FAM185A: variants seen among roughly 807,000 people sequenced by gnomAD.
FAM185A encodes the protein protein FAM185A.
In FAM185A, 21 loss-of-function variants were observed where a neutral mutation model predicts 45.7. That is an observed-to-expected ratio of 0.46 (90% confidence interval 0.33 to 0.66). FAM185A has a LOEUF of 0.66. Ranked by LOEUF, FAM185A falls within the 30% of genes least tolerant of loss-of-function variation. The pLI, the probability that FAM185A is intolerant of heterozygous loss-of-function variation, is 0.03. For synonymous variants in FAM185A, 117 were observed against 194.0 expected (o/e 0.60, Z 3.30); for missense variants, 305 against 485.4 (o/e 0.63, Z 3.49).
chr7:102,834,906 G>A, the FAM185A span, among the ~76,000 whole-genome samples: 7 of 150,764 alleles, frequency 4.6e-5, no homozygotes, highest in Non-Finnish European at 8.8e-5. Context: ...GTGTGTGTGT[G>A]TGTGTGTGTG....
chr7:102,832,844 G>C, the FAM185A span: 1 of 1,614,028 alleles, frequency 6.2e-7, no homozygotes, highest in Non-Finnish European at 8.5e-7. Flanking sequence ...ACATACCTTT[G>C]GACAGCCAGC....
chr7:102,805,310 G>A (rs533687729), intron 7 of FAM185A, among the ~76,000 whole-genome samples: 15 of 152,208 alleles, frequency 9.9e-5, no homozygotes, highest in Admixed American at 2.6e-4. Context: ...AGTGGATAAA[G>A]AAACTGGAAT....
chr7:102,795,698 T>C (rs1796404200), intron 7 of FAM185A, among the ~76,000 whole-genome samples: 2 of 151,946 alleles, frequency 1.3e-5, no homozygotes, highest in African/African-American at 4.8e-5. Context: ...ATGCCTGTTC[T>C]TCCCACCAGA....
chr7:102,819,985 G>C, the FAM185A span, among the ~76,000 whole-genome samples: 1 of 152,084 alleles, frequency 6.6e-6, no homozygotes, highest in South Asian at 2.1e-4. Flanking sequence ...TTGAGGCCAG[G>C]GTATTTCAGG....
intron 7 of FAM185A, among the ~76,000 whole-genome samples, chr7:102,789,157 T>G (rs1168724519): frequency 1.3e-5 from 2 of 152,218 alleles, no homozygotes; most frequent in Non-Finnish European, 2.9e-5. Flanking sequence ...GATAGCTGCT[T>G]TCTCTGTTGC....
At chr7:102,765,205 T>G (rs1253504064) in intron 4 of FAM185A, among the ~76,000 whole-genome samples, 3 of 152,212 alleles carry the variant, frequency 2.0e-5, no homozygotes, top group African/African-American at 4.8e-5. Flanking sequence ...CCTGGCTCAC[T>G]GTAAAGATGT....
Position 102,773,663 on chromosome 7 carries a change from T to G in FAM185A, c.835+1213T>G, listed in dbSNP as rs146974384. ...CTTTTCCCAAAGTTCCACTTTATAC[T>G]CTCATCAACAATGTATGAGAATTTG... On this transcript the variant is annotated intron_variant, in intron 5 of 7. Transcript: ENST00000413034. 6.4e-3 allele frequency among the ~76,000 whole-genome samples: 980 copies of G among 152,272 alleles called. 7 individuals are homozygous for G. The highest frequency in any genetic ancestry group is 0.017 in the Middle Eastern group (5 of 294).
intron 4 of FAM185A, among the ~76,000 whole-genome samples, chr7:102,771,229 G>A (rs1341555764): frequency 6.6e-6 from 1 of 151,942 alleles, no homozygotes. Context: ...GAGGGACGGG[G>A]CAAGGGTTGA....
At chr7:102,845,426 A>G in the FAM185A span, among the ~76,000 whole-genome samples, 57 of 152,274 alleles carry the variant, frequency 3.7e-4, no homozygotes, top group African/African-American at 1.2e-3. Context: ...ACCAAGATAT[A>G]TATATTTCCT....
the FAM185A span, among the ~76,000 whole-genome samples, chr7:102,819,161 CT>C: frequency 6.6e-6 from 1 of 152,142 alleles, no homozygotes; most frequent in African/African-American, 2.4e-5. Context: ...TTGTGAGGGT[CT>C]TTCTTCCTCT....
intron 5 of FAM185A, among the ~76,000 whole-genome samples, chr7:102,774,477 TGA>T (rs1258857939): frequency 1.3e-5 from 2 of 151,760 alleles, no homozygotes; most frequent in Non-Finnish European, 1.5e-5. Flanking sequence ...AATGTAGTGA[TGA>T]GAGTGTGATT....
intron 5 of FAM185A, among the ~76,000 whole-genome samples, chr7:102,775,558 A>G (rs1378069121): frequency 1.3e-5 from 2 of 152,194 alleles, no homozygotes; most frequent in Non-Finnish European, 2.9e-5. Context: ...GGATATAATT[A>G]CTTTGTGGCC....
chr7:102,749,689 G>T lies in FAM185A; in HGVS notation c.451+31G>T. 2.0e-6 allele frequency: 3 copies of T among 1,486,314 alleles called. No individual in the cohort carries two copies. The East Asian group carries it at 7.4e-5, about 37-fold the overall frequency. 92.1% of individuals were successfully genotyped at this position (1,486,314 alleles called of 1,614,324 possible). A position where few individuals can be genotyped will look rare whatever the true frequency, so the allele number is the denominator to read the frequency against. On this transcript the variant is annotated intron_variant, in intron 1 of 7. Coordinates refer to ENST00000413034, the MANE Select transcript of FAM185A (RefSeq NM_001145268.2). ...TGAAGTGAAGTGAAAACGGGTTTGG[G>T]TCCCAGGGAACGCACAGTGAACTTA...
the FAM185A span, among the ~76,000 whole-genome samples, chr7:102,826,741 A>ATGTATG: frequency 1.6e-5 from 1 of 64,042 alleles, no homozygotes; most frequent in Non-Finnish European, 2.9e-5. Flanking sequence ...ATATATATAT[A>ATGTATG]TATATATATA....
At chr7:102,762,516 G>A (rs1335485653) in intron 4 of FAM185A, among the ~76,000 whole-genome samples, 1 of 151,932 alleles carries the variant, frequency 6.6e-6, no homozygotes, top group East Asian at 1.9e-4. Flanking sequence ...TCCATATATA[G>A]TCCACTCATT....
At chr7:102,801,653 A>T (rs1796797476) in intron 7 of FAM185A, among the ~76,000 whole-genome samples, 1 of 152,216 alleles carries the variant, frequency 6.6e-6, no homozygotes, top group Non-Finnish European at 1.5e-5. Context: ...GGCCAGGTGC[A>T]GTGGCTCATG....
chr7:102,757,903 G>A lies in FAM185A; in HGVS notation c.611G>A (p.Gly204Glu), dbSNP rs1793859439. ...QTKGGKVICL[G>E]TVYGNIDIHA... ...AAAGGAGGCAAAGTGATCTGTCTGGGAACAGTTTATGGAAATATAGATATT... is the reference window on the plus strand; with the variant it reads ...AAAGGAGGCAAAGTGATCTGTCTGGAAACAGTTTATGGAAATATAGATATT... The change falls in exon 3 of 8, where the codon GGA becomes GAA. Residue 204 changes from glycine (G) to glutamate (E), a missense_variant. By Grantham distance (98) the Gly-to-Glu change is moderately conservative (BLOSUM62 -2). This residue lies in a region of FAM185A where 12 missense variants were observed against 46.4 expected (regional missense o/e 0.26). Coordinates refer to ENST00000413034, the MANE Select transcript of FAM185A (RefSeq NM_001145268.2). 6.5e-7 allele frequency: 1 copy of A among 1,539,706 alleles called. No individual in the cohort carries two copies. Among genetic ancestry groups the A allele is most frequent in the Non-Finnish European group, 8.7e-7 (1 of 1,143,976 alleles).
At chr7:102,847,535 TC>T in the FAM185A span, among the ~76,000 whole-genome samples, 1 of 152,172 alleles carries the variant, frequency 6.6e-6, no homozygotes, top group African/African-American at 2.4e-5. Flanking sequence ...TTCTTTCTTT[TC>T]TTTTTTTTGA....
rs1290245228 is a variant in FAM185A, at chr7:102,749,463, G to T, written c.256G>T (p.Ala86Ser). 12 of 1,547,126 alleles carry T rather than the reference G, an allele frequency of 7.8e-6. No individual in the cohort carries two copies. Among genetic ancestry groups the T allele is most frequent in the Non-Finnish European group, 9.6e-6 (11 of 1,145,894 alleles). Reference sequence around the variant, plus strand: ...GCGGGCGCGGCTCCCGTGCCACCTGGCCGTGAGGCCCCTGGACCCCCTCAC... The same window carrying T: ...GCGGGCGCGGCTCCCGTGCCACCTGTCCGTGAGGCCCCTGGACCCCCTCAC... ...RLRARLPCHL[A>S]VRPLDPLTYP... Residue 86 changes from alanine (A) to serine (S), a missense_variant, in exon 1 of 8, where the codon GCC becomes TCC. This residue lies in a region of FAM185A where 174 missense variants were observed against 247.1 expected (regional missense o/e 0.70). Transcript: ENST00000413034.
Sources: allele counts gnomAD v4.1 joint callset (sites outside exome capture counted in the v4.1 genomes callset), GRCh38; gene constraint gnomAD v4.1.1; regional missense constraint gnomAD v4.1.1; transcripts MANE v1.5; gene names NCBI Gene and HGNC (gene_info 2026-07-23, HGNC 2026-07-21).